MACROD2: variants seen among roughly 807,000 people sequenced by gnomAD.
MACROD2 encodes the protein ADP-ribose glycohydrolase MACROD2.
Under a neutral mutation model 70.4 loss-of-function variants are expected in MACROD2, and 36 were observed. The ratio of observed to expected loss-of-function variants is 0.51; its 90% CI spans 0.39 to 0.68. The LOEUF is 0.68. MACROD2 is among the 30% of genes least tolerant of loss of function. The pLI is 0.00. For missense variants in MACROD2, 496 were observed against 538.4 expected, an observed-to-expected ratio of 0.92 and a Z score of 0.78; for synonymous variants, 172 against 178.8, an observed-to-expected ratio of 0.96 and a Z score of 0.30.
intron 3 of MACROD2, among the ~76,000 whole-genome samples, chr20:14,105,677 T>C (rs1444785798): frequency 1.3e-5 from 2 of 152,130 alleles, no homozygotes; most frequent in Non-Finnish European, 2.9e-5. Flanking sequence ...ATGGGGCAGC[T>C]AAGGGAGTGC....
chr20:15,879,536 T>C (rs1361485709), intron 9 of MACROD2, among the ~76,000 whole-genome samples: 1 of 152,158 alleles, frequency 6.6e-6, no homozygotes, highest in Non-Finnish European at 1.5e-5. Flanking sequence ...TATTAAGGCA[T>C]GTGCTTTATA....
chr20:14,651,647 GCATGTCAGGAAGTT>G (rs1985685749), intron 4 of MACROD2, among the ~76,000 whole-genome samples: 1 of 152,244 alleles, frequency 6.6e-6, no homozygotes, highest in African/African-American at 2.4e-5. Flanking sequence ...ATGCATAGTG[GCATGTCAGGAAGTT>G]CAAGTGTGAG....
At chr20:15,423,780 C>G (rs4814370) in intron 6 of MACROD2, among the ~76,000 whole-genome samples, 98,675 of 151,896 alleles carry the variant, frequency 0.65, 32,863 homozygotes, top group African/African-American at 0.77. Flanking sequence ...GGATTTAGGG[C>G]ATGGACACAA....
At chr20:15,992,576 G>A (rs771518882) in intron 15 of MACROD2, among the ~76,000 whole-genome samples, 4 of 152,152 alleles carry the variant, frequency 2.6e-5, no homozygotes, top group Non-Finnish European at 4.4e-5. Flanking sequence ...TAATTAACTT[G>A]TGCTTGCCCA....
intron 5 of MACROD2, among the ~76,000 whole-genome samples, chr20:15,084,966 C>A (rs1182972527): frequency 6.6e-6 from 1 of 152,120 alleles, no homozygotes; most frequent in African/African-American, 2.4e-5. Flanking sequence ...TTAAAACAAT[C>A]TTGAGAAAGA....
chr20:15,519,998 C>T (rs1220771544), intron 8 of MACROD2, among the ~76,000 whole-genome samples: 2 of 152,204 alleles, frequency 1.3e-5, no homozygotes, highest in Non-Finnish European at 2.9e-5. Flanking sequence ...GGAGTCTCTT[C>T]TGTTGGAGTT....
chr20:15,889,149 TG>T (rs950705521), intron 10 of MACROD2, among the ~76,000 whole-genome samples: 6 of 152,144 alleles, frequency 3.9e-5, no homozygotes, highest in African/African-American at 1.4e-4. Context: ...GTGAAGAGTT[TG>T]CAGATTTCTA....
At chr20:15,698,092 A>C (rs6043455) in intron 8 of MACROD2, among the ~76,000 whole-genome samples, 45,222 of 152,122 alleles carry the variant, frequency 0.3, 9,133 homozygotes, top group African/African-American at 0.58. Flanking sequence ...CATTGCATTC[A>C]TCATGCTCTT....
chr20:14,913,125 G>A (rs2074048998), intron 5 of MACROD2, among the ~76,000 whole-genome samples: 1 of 152,062 alleles, frequency 6.6e-6, no homozygotes, highest in Non-Finnish European at 1.5e-5. Flanking sequence ...ATGCATCCTT[G>A]TGTGCATGCA....
chr20:14,827,119 G>A (rs958039648), intron 5 of MACROD2, among the ~76,000 whole-genome samples: 6 of 152,116 alleles, frequency 3.9e-5, no homozygotes, highest in South Asian at 2.1e-4. Flanking sequence ...TAGCATCATC[G>A]CGTCCTTGGA....
At chr20:15,307,947 C>G (rs1030922823) in intron 6 of MACROD2, among the ~76,000 whole-genome samples, 1 of 119,034 alleles carries the variant, frequency 8.4e-6, no homozygotes, top group African/African-American at 3.6e-5. Flanking sequence ...TAATTTTGAT[C>G]TGTTCAGTTT....
intron 5 of MACROD2, among the ~76,000 whole-genome samples, chr20:14,793,686 C>G (rs924085438): frequency 2.0e-5 from 3 of 151,960 alleles, no homozygotes; most frequent in Admixed American, 1.3e-4. Context: ...TCCAAAAGCT[C>G]GAAGAAAAGA....
chr20:14,731,655 A>C (rs1274918390), intron 5 of MACROD2, among the ~76,000 whole-genome samples: 2 of 152,042 alleles, frequency 1.3e-5, no homozygotes, highest in Non-Finnish European at 2.9e-5. Flanking sequence ...GGACCTCTGG[A>C]GGTCCCCCGG....
chr20:16,044,594 A>G lies in MACROD2; in HGVS notation c.1255A>G (p.Lys419Glu). ...AGTTGAAATGAATAGTCAGGTTGAC[A>G]AGGTAAATGACCCAACAGAGAGTCA... Reference protein sequence around the residue: ...PDVEMNSQVDKVNDPTESQQE... With the variant: ...PDVEMNSQVDEVNDPTESQQE... The change falls in exon 17 of 18, where the codon AAG becomes GAG. Residue 419 changes from lysine to glutamate, a missense_variant. Coordinates refer to ENST00000684519, the MANE Select transcript of MACROD2 (RefSeq NM_001351661.2). 6.2e-7 allele frequency: 1 copy of G among 1,612,882 alleles called. No homozygotes were observed. Among genetic ancestry groups the G allele is most frequent in the South Asian group, 1.1e-5 (1 of 90,998 alleles).
At chr20:15,155,738 G>C (rs370879218) in intron 5 of MACROD2, among the ~76,000 whole-genome samples, 2 of 151,956 alleles carry the variant, frequency 1.3e-5, no homozygotes, top group African/African-American at 2.4e-5. Flanking sequence ...TTAATCTATC[G>C]AATGAATAAC....
intron 5 of MACROD2, among the ~76,000 whole-genome samples, chr20:14,764,055 A>G (rs779955293): frequency 6.6e-6 from 1 of 151,870 alleles, no homozygotes; most frequent in Non-Finnish European, 1.5e-5. Context: ...TCTCTGTCCT[A>G]TGTCTATCTA....
chr20:16,004,311 G>C (rs1164637576), intron 15 of MACROD2, among the ~76,000 whole-genome samples: 1 of 152,212 alleles, frequency 6.6e-6, no homozygotes, highest in African/African-American at 2.4e-5. Context: ...AGGGAACACA[G>C]AGACCGCGTG....
rs370229179 is a variant in MACROD2 at position 14,226,540 on chromosome 20, C to T, written c.271+140812C>T. ...CGCGAGCGGGAACCGGGGCTGCGCG[C>T]GGCGCTTGCGGGCCAGCTGGAGTTC... On this transcript the variant is annotated intron_variant, in intron 3 of 17. Coordinates refer to ENST00000684519, the MANE Select transcript of MACROD2 (RefSeq NM_001351661.2). Among the ~76,000 whole-genome samples the T allele has an allele frequency of 1.6e-4, 25 of 152,218 alleles. 1 individual carries two copies. In the East Asian group the frequency reaches 3.3e-3, roughly 20 times the overall value.
chr20:14,522,364 C>T (rs1040185833), intron 4 of MACROD2, among the ~76,000 whole-genome samples: 1 of 151,990 alleles, frequency 6.6e-6, no homozygotes, highest in African/African-American at 2.4e-5. Context: ...AAAGCAAAAC[C>T]CTGAAACCCA....
Sources: allele counts gnomAD v4.1 joint callset (sites outside exome capture counted in the v4.1 genomes callset), GRCh38; gene constraint gnomAD v4.1.1; transcripts MANE v1.5; gene names NCBI Gene and HGNC (gene_info 2026-07-23, HGNC 2026-07-21).